VPS53: variants seen among roughly 807,000 people sequenced by gnomAD.
VPS53 encodes the protein vacuolar protein sorting-associated protein 53 homolog.
A neutral mutation model predicts 107.0 loss-of-function variants in VPS53; 70 were observed. That is an observed-to-expected ratio of 0.65 (90% confidence interval 0.54 to 0.80). The LOEUF is 0.80. Ranked by LOEUF, VPS53 falls within the 30% of genes least tolerant of loss-of-function variation. The probability of loss-of-function intolerance (pLI) is 0.00; values close to 1 mark genes in which losing one functional copy is unlikely to be tolerated. For synonymous variants in VPS53, 409 were observed against 393.3 expected, an observed-to-expected ratio of 1.04 and a Z score of -0.47; for missense variants, 917 against 1,049.4, an observed-to-expected ratio of 0.87 and a Z score of 1.74.
intron 13 of VPS53, among the ~76,000 whole-genome samples, chr17:575,582 C>T (rs2151871659): frequency 6.6e-6 from 1 of 151,306 alleles, no homozygotes; most frequent in South Asian, 2.1e-4. Context: ...TCCCAGAGAA[C>T]CTTCCTCAGA....
chr17:541,819 G>T, intron 17 of VPS53, among the ~76,000 whole-genome samples: 1 of 149,788 alleles, frequency 6.7e-6, no homozygotes, highest in East Asian at 2.0e-4. Flanking sequence ...CGCACTGAAG[G>T]AACGTTTATC....
Position 520,061 on chromosome 17 carries a change from A to G in VPS53, c.2224-131T>C, listed in dbSNP as rs1259918772. ...GGGAGCGGGCCCTTCAGGAAAACTCACTCCTCACTTGCCCGCCGAGCGCTA... is the reference window on the plus strand; with the variant it reads ...GGGAGCGGGCCCTTCAGGAAAACTCGCTCCTCACTTGCCCGCCGAGCGCTA... On this transcript the variant is annotated intron_variant, in intron 20 of 21. Transcript: ENST00000437048. This position sits in a 1 kb window ranked among gnomAD's most constrained non-coding sequence, Gnocchi z 4.4. 1 of 642,610 alleles carries G rather than the reference A, an allele frequency of 1.6e-6. No homozygotes were observed. The highest frequency in any genetic ancestry group is 1.8e-5 in the African/African-American group (1 of 54,378). The allele number at this position is 642,610 out of a possible 1,614,324, so 39.8% of individuals were successfully genotyped here.
chr17:601,104 A>T (rs557607240), intron 12 of VPS53: 1 of 152,318 alleles, frequency 6.6e-6, no homozygotes, highest in Admixed American at 6.5e-5. Flanking sequence ...CCGTAAAATA[A>T]TCCTCCAGCA....
chr17:537,384 GGT>G (rs1038580842), intron 17 of VPS53: 2 of 580,254 alleles, frequency 3.4e-6, no homozygotes, highest in African/African-American at 3.8e-5. Flanking sequence ...CCGACAGTGA[GGT>G]GTGACCCAGA....
chr17:523,186 C>A (rs565082642), intron 19 of VPS53: 20 of 153,028 alleles, frequency 1.3e-4, no homozygotes, highest in African/African-American at 4.6e-4. Flanking sequence ...CTGCTGCCGC[C>A]GCTGCTCTTG....
intron 12 of VPS53, among the ~76,000 whole-genome samples, chr17:587,058 A>G (rs1417410810): frequency 6.6e-6 from 1 of 151,992 alleles, no homozygotes; most frequent in Non-Finnish European, 1.5e-5. Context: ...AAAACAAATA[A>G]AGGGTTTTTT....
At chr17:589,486 C>G (rs766896011) in intron 12 of VPS53, among the ~76,000 whole-genome samples, 1 of 151,524 alleles carries the variant, frequency 6.6e-6, no homozygotes, top group Non-Finnish European at 1.5e-5. Context: ...ACAAATTGTT[C>G]TAAAGGTCGG....
chr17:714,609 G>C lies in VPS53; in HGVS notation c.87+14C>G, dbSNP rs1973778873. ...CGCACTCCCGTTTCCCCTCCTGAGGGGCGGAACGCTTACCTGCTCGATGGC... is the reference window on the plus strand; with the variant it reads ...CGCACTCCCGTTTCCCCTCCTGAGGCGCGGAACGCTTACCTGCTCGATGGC... On this transcript the variant is annotated intron_variant, in intron 1 of 21. Coordinates refer to ENST00000437048, the MANE Select transcript of VPS53 (RefSeq NM_001128159.3). 3 of 1,605,674 alleles carry C rather than the reference G, an allele frequency of 1.9e-6. No homozygotes were observed. The highest frequency in any genetic ancestry group is 1.1e-5 in the South Asian group (1 of 90,702).
intron 11 of VPS53, among the ~76,000 whole-genome samples, chr17:621,106 T>A (rs550369832): frequency 2.6e-5 from 4 of 152,308 alleles, no homozygotes; most frequent in Non-Finnish European, 4.4e-5. Flanking sequence ...CTACTCTCAC[T>A]CCAACTTCCT....
At chr17:545,382 C>T (rs963175780) in intron 17 of VPS53, among the ~76,000 whole-genome samples, 3 of 152,210 alleles carry the variant, frequency 2.0e-5, no homozygotes, top group Non-Finnish European at 4.4e-5. Flanking sequence ...CAGGATGCCA[C>T]CTGCTGAAGT....
At chr17:609,014 T>G (rs12947836) in intron 11 of VPS53, among the ~76,000 whole-genome samples, 1 of 152,164 alleles carries the variant, frequency 6.6e-6, no homozygotes, top group Non-Finnish European at 1.5e-5. Context: ...TTCTAAATTG[T>G]GATGTAATTC....
rs11870049 is a variant in VPS53 at position 619,078 on chromosome 17, T to C, written c.1116+4455A>G. On this transcript the variant is annotated intron_variant, in intron 11 of 21. Coordinates refer to ENST00000437048, the MANE Select transcript of VPS53 (RefSeq NM_001128159.3). ...TCCCGGGTAGCTGGGACTACAGGCG[T>C]GCACCACCACGCCCAGCTAATATTT... 2.7e-4 allele frequency among the ~76,000 whole-genome samples: 29 copies of C among 108,236 alleles called. No homozygotes were observed. In the East Asian group the frequency reaches 3.4e-3, roughly 13 times the overall value. 71.0% of individuals were successfully genotyped at this position (108,236 alleles called of 152,430 possible).
chr17:708,217 A>C (rs979545314), intron 2 of VPS53, among the ~76,000 whole-genome samples: 1 of 152,150 alleles, frequency 6.6e-6, no homozygotes, highest in African/African-American at 2.4e-5. Flanking sequence ...GAATGCCTGG[A>C]CCCACTGCTA....
At chr17:558,821 TAAAAAA>T (rs35915328) in intron 15 of VPS53, among the ~76,000 whole-genome samples, 2 of 135,040 alleles carry the variant, frequency 1.5e-5, no homozygotes, top group African/African-American at 5.5e-5. Flanking sequence ...CCATCTCTAC[TAAAAAA>T]AAAAAAAAAA....
At position 714,623 on chromosome 17, in the gene VPS53, C is replaced by A; in HGVS notation, c.87G>T (p.Gln29His). 6.2e-7 allele frequency: 1 copy of A among 1,611,480 alleles called. No individual in the cohort carries two copies. Among genetic ancestry groups the A allele is most frequent in the Non-Finnish European group, 8.5e-7 (1 of 1,178,744 alleles). ...CCCTCCTGAGGGGCGGAACGCTTACCTGCTCGATGGCCAGCTGCACCTCGG... is the reference window on the plus strand; with the variant it reads ...CCCTCCTGAGGGGCGGAACGCTTACATGCTCGATGGCCAGCTGCACCTCGG... ...LTPEVQLAIE[Q>H]VFPSQDPLDR... The change falls in exon 1 of 22, where the codon CAG becomes CAT. Residue 29 changes from glutamine (Q) to histidine (H), a missense_variant and splice_region_variant. Coordinates refer to ENST00000437048, the MANE Select transcript of VPS53 (RefSeq NM_001128159.3).
intron 19 of VPS53, among the ~76,000 whole-genome samples, chr17:525,370 T>C (rs1909053078): frequency 6.6e-6 from 1 of 152,186 alleles, no homozygotes; most frequent in Non-Finnish European, 1.5e-5. Flanking sequence ...CAGCAATAAC[T>C]GTAATGATTT....
intron 7 of VPS53, among the ~76,000 whole-genome samples, chr17:633,821 G>C (rs1490639060): frequency 1.3e-5 from 2 of 152,178 alleles, no homozygotes; most frequent in South Asian, 2.1e-4. Context: ...TGAGAGAAAA[G>C]AATAAAATTG....
chr17:571,294 GAAAA>G (rs1194319152), intron 13 of VPS53, among the ~76,000 whole-genome samples: 1 of 151,856 alleles, frequency 6.6e-6, no homozygotes, highest in African/African-American at 2.4e-5. Context: ...GAGAGAAAAA[GAAAA>G]AGAAGGAAGA....
chr17:669,694 C>A (rs11656538), intron 4 of VPS53, among the ~76,000 whole-genome samples: 23,090 of 150,970 alleles, frequency 0.15, 1,899 homozygotes, highest in South Asian at 0.23. Flanking sequence ...GAGATCAAGA[C>A]CATCCTGCCC....
Sources: gnomAD v4.1 joint callset for allele counts (sites outside exome capture counted in the v4.1 genomes callset) on GRCh38, gnomAD v4.1.1 for gene constraint, Gnocchi (gnomAD v3.1) non-coding constraint, MANE v1.5 for transcripts, NCBI Gene and HGNC (gene_info 2026-07-23, HGNC 2026-07-21) for gene names.